The following SH3PXD2A variants were observed in gnomAD, a reference collection of about 807,000 sequenced individuals.
The protein encoded by SH3PXD2A is SH3 and PX domain-containing protein 2A.
Under a neutral mutation model 115.2 loss-of-function variants are expected in SH3PXD2A, and 32 were observed. That is an observed-to-expected ratio of 0.28 (90% confidence interval 0.21 to 0.37). The LOEUF is 0.37. SH3PXD2A is among the 10% of genes least tolerant of loss of function. The probability of loss-of-function intolerance (pLI) is 1.00; values close to 1 mark genes in which losing one functional copy is unlikely to be tolerated. For missense variants in SH3PXD2A, 1,328 were observed against 1,498.7 expected, an observed-to-expected ratio of 0.89 and a Z score of 1.88; for synonymous variants, 610 against 629.1, an observed-to-expected ratio of 0.97 and a Z score of 0.45.
chr10:103,702,900 C>T (rs1455081557), intron 5 of SH3PXD2A, among the ~76,000 whole-genome samples: 1 of 152,080 alleles, frequency 6.6e-6, no homozygotes, highest in Non-Finnish European at 1.5e-5. Flanking sequence ...GCTACACTGG[C>T]CCCATCTGCA....
intron 2 of SH3PXD2A, among the ~76,000 whole-genome samples, chr10:103,788,164 C>T (rs2038998620): frequency 6.6e-6 from 1 of 152,208 alleles, no homozygotes; most frequent in African/African-American, 2.4e-5. Flanking sequence ...TGCTTCACCG[C>T]TGCTCCAGCC....
At chr10:103,676,589 G>A (rs1431630324) in intron 6 of SH3PXD2A, among the ~76,000 whole-genome samples, 2 of 152,156 alleles carry the variant, frequency 1.3e-5, no homozygotes, top group East Asian at 3.9e-4. Flanking sequence ...ACCCTGCTGA[G>A]AAGACCGGAA....
At chr10:103,651,668 T>C (rs1340782645) in intron 8 of SH3PXD2A, among the ~76,000 whole-genome samples, 1 of 152,256 alleles carries the variant, frequency 6.6e-6, no homozygotes, top group Non-Finnish European at 1.5e-5. Context: ...CCATCCTGCC[T>C]CTTGCCAAGA....
intron 8 of SH3PXD2A, among the ~76,000 whole-genome samples, chr10:103,644,408 T>G (rs1341061460): frequency 6.6e-6 from 1 of 151,886 alleles, no homozygotes; most frequent in Non-Finnish European, 1.5e-5. Context: ...GGTGAAACCT[T>G]GTCTCTACTA....
chr10:103,747,802 TTTTA>T (rs143730553), intron 3 of SH3PXD2A, among the ~76,000 whole-genome samples: 2 of 151,720 alleles, frequency 1.3e-5, no homozygotes, highest in African/African-American at 4.9e-5. Flanking sequence ...CCTGCTTTCA[TTTTA>T]TTTATTTATT....
At chr10:103,755,745 C>T (rs1007475848) in intron 3 of SH3PXD2A, among the ~76,000 whole-genome samples, 1 of 152,012 alleles carries the variant, frequency 6.6e-6, no homozygotes, top group Non-Finnish European at 1.5e-5. Context: ...CTCAGAACCA[C>T]CCCCTACCCG....
chr10:103,686,664 T>C (rs1361966072), intron 6 of SH3PXD2A, among the ~76,000 whole-genome samples: 1 of 152,076 alleles, frequency 6.6e-6, no homozygotes, highest in Admixed American at 6.5e-5. Context: ...ACAGGTATGA[T>C]GGTCAGGTGG....
chr10:103,617,905 A>C (rs2036543417), intron 10 of SH3PXD2A, among the ~76,000 whole-genome samples: 1 of 152,126 alleles, frequency 6.6e-6, no homozygotes, highest in African/African-American at 2.4e-5. Context: ...TGGTCATGTA[A>C]TCTCCCAAGA....
chr10:103,659,698 G>A (rs1452023202), intron 8 of SH3PXD2A, among the ~76,000 whole-genome samples: 1 of 152,204 alleles, frequency 6.6e-6, no homozygotes, highest in Non-Finnish European at 1.5e-5. Flanking sequence ...ATGACTCCAG[G>A]CACAAGGGCA....
intron 7 of SH3PXD2A, among the ~76,000 whole-genome samples, chr10:103,664,330 G>A (rs1430349558): frequency 6.6e-6 from 1 of 152,238 alleles, no homozygotes; most frequent in Non-Finnish European, 1.5e-5. Context: ...TAGCAATAGT[G>A]ACAGCAAGCC....
intron 13 of SH3PXD2A, among the ~76,000 whole-genome samples, chr10:103,606,722 C>G (rs1235398569): frequency 6.6e-6 from 1 of 152,166 alleles, no homozygotes; most frequent in Non-Finnish European, 1.5e-5. Flanking sequence ...GTCTCCAGCT[C>G]CTAACCGCGA....
At position 103,784,881 on chromosome 10, in the gene SH3PXD2A, G is replaced by A. The variant is rs993677952; in HGVS notation, c.153+16401C>T. On this transcript the variant is annotated intron_variant, in intron 2 of 14. Coordinates refer to ENST00000369774, the MANE Select transcript of SH3PXD2A (RefSeq NM_001394015.1). The surrounding 1 kb of genome is among the most constrained non-coding windows in gnomAD (Gnocchi z 4.4). The stretch of plus-strand genomic sequence containing the variant: ...GTGGAGGCACATGTGTGGCTTACAC[G>A]CAGAGACACCTGGGAGCGGCAGCCT... Among the ~76,000 whole-genome samples, 1 of 152,160 alleles carries A rather than the reference G, an allele frequency of 6.6e-6. No homozygotes were observed. Among genetic ancestry groups the A allele is most frequent in the Non-Finnish European group, 1.5e-5 (1 of 68,024 alleles).
chr10:103,605,159 A>G (rs7911848), intron 14 of SH3PXD2A, among the ~76,000 whole-genome samples: 9,707 of 152,214 alleles, frequency 0.064, 996 homozygotes, highest in African/African-American at 0.22. Flanking sequence ...TGTTTTGCAG[A>G]GAGAAATGCT....
Position 103,601,540 on chromosome 10 carries a change from A to C in SH3PXD2A, c.*276T>G. The C allele has an allele frequency of 2.9e-6, 1 of 349,778 alleles. No homozygotes were observed. The highest frequency in any genetic ancestry group is 5.2e-6 in the Non-Finnish European group (1 of 190,766). 21.7% of individuals were successfully genotyped at this position (349,778 alleles called of 1,614,324 possible). On this transcript the variant is annotated 3_prime_UTR_variant, in exon 15 of 15. Transcript: ENST00000369774. The stretch of plus-strand genomic sequence containing the variant: ...TCCATTGGTGAAGTCCCTATGGTGC[A>C]CAGGATATCTCAGCTTTCTTGGCTC...
intron 6 of SH3PXD2A, 33 bp from the exon 7 acceptor site, chr10:103,668,685 AGAG>A: frequency 1.4e-6 from 2 of 1,462,610 alleles, no homozygotes; most frequent in Non-Finnish European, 1.8e-6. Flanking sequence ...CGGCAGCAGG[AGAG>A]GAGAACCAGA....
At chr10:103,637,829 A>C (rs1487934208) in intron 8 of SH3PXD2A, among the ~76,000 whole-genome samples, 3 of 152,170 alleles carry the variant, frequency 2.0e-5, no homozygotes, top group Non-Finnish European at 4.4e-5. Flanking sequence ...ACCCAGCACA[A>C]GGCTGGGCCC....
chr10:103,681,611 G>A (rs780829808), intron 6 of SH3PXD2A, among the ~76,000 whole-genome samples: 11 of 152,196 alleles, frequency 7.2e-5, no homozygotes, highest in East Asian at 1.9e-4. Flanking sequence ...AGGTGTTGTG[G>A]AGGGTACCTG....
At chr10:103,672,178 G>A (rs1361308477) in intron 6 of SH3PXD2A, among the ~76,000 whole-genome samples, 5 of 152,172 alleles carry the variant, frequency 3.3e-5, no homozygotes, top group African/African-American at 7.2e-5. Flanking sequence ...CCAGCTACTC[G>A]GAAGGCTGAG....
intron 8 of SH3PXD2A, among the ~76,000 whole-genome samples, chr10:103,659,239 T>C (rs1362320346): frequency 6.6e-6 from 1 of 152,220 alleles, no homozygotes; most frequent in Non-Finnish European, 1.5e-5. Flanking sequence ...TCTTCAGCCA[T>C]CCTGGCCAGT....
Sources: gnomAD v4.1 joint callset for allele counts (sites outside exome capture counted in the v4.1 genomes callset) on GRCh38, gnomAD v4.1.1 for gene constraint, Gnocchi (gnomAD v3.1) non-coding constraint, MANE v1.5 for transcripts, NCBI Gene and HGNC (gene_info 2026-07-23, HGNC 2026-07-21) for gene names.